SORCS2: variants seen among roughly 807,000 people sequenced by gnomAD.
SORCS2 encodes sortilin related VPS10 domain containing receptor 2.
SORCS2 carries 100 observed loss-of-function variants against 141.6 expected under a neutral mutation model. The observed-to-expected ratio is 0.71, with a 90% CI of 0.60 to 0.83. The LOEUF is 0.83. Ranked by LOEUF, SORCS2 falls within the 40% of genes least tolerant of loss-of-function variation. The probability of loss-of-function intolerance (pLI) is 0.00; values close to 1 mark genes in which losing one functional copy is unlikely to be tolerated. For synonymous variants in SORCS2, 789 were observed against 676.9 expected (o/e 1.17, Z -2.57); for missense variants, 1,646 against 1,560.2 (o/e 1.05, Z -0.93).
chr4:7,565,365 A>G (rs898957847), intron 3 of SORCS2, among the ~76,000 whole-genome samples: 1 of 152,106 alleles, frequency 6.6e-6, no homozygotes, highest in African/African-American at 2.4e-5. Context: ...AGATGGTGAT[A>G]TTGTGCTGAT....
In SORCS2 at chr4:7,734,298, G is replaced by A. The variant is rs569349390; in HGVS notation, c.3235G>A (p.Gly1079Ser). ...TGAEQLGGGG[G>S]YWAVVVLFVI... ...TGCTGAGCAGCTGGGCGGCGGTGGC[G>A]GCTACTGGGCGGTAGTGGTGCTGTT... The change falls in exon 25 of 27, where the codon GGC becomes AGC. Residue 1079 changes from glycine to serine, a missense_variant. Physicochemically the swap from Gly to Ser is moderately conservative, Grantham distance 56. Coordinates refer to ENST00000507866, the MANE Select transcript of SORCS2 (RefSeq NM_020777.3). The A allele has an allele frequency of 3.2e-5, 51 of 1,603,056 alleles. No individual in the cohort carries two copies. The highest frequency in any genetic ancestry group is 1.7e-4 in the Middle Eastern group (1 of 5,904).
At chr4:7,231,996 C>T (rs1379550953) in intron 1 of SORCS2, among the ~76,000 whole-genome samples, 2 of 152,188 alleles carry the variant, frequency 1.3e-5, no homozygotes, top group East Asian at 3.8e-4. Context: ...CTGGCCCATC[C>T]TGGAGCTGTG....
chr4:7,320,136 CTA>C (rs1294847313), intron 1 of SORCS2, among the ~76,000 whole-genome samples: 50 of 64,056 alleles, frequency 7.8e-4, no homozygotes, highest in African/African-American at 3.9e-3. Context: ...GACTTTGTCT[CTA>C]CAAAAAAAAT....
Position 7,718,167 on chromosome 4 carries a change from T to A in SORCS2, c.2408T>A (p.Val803Glu), listed in dbSNP as rs1053839340. ...AVRPGEDVLF[V>E]VRQEQGDVLT... Reference sequence around the variant, plus strand: ...CGGCCTGGAGAGGACGTCCTGTTTGTGGTGCGGCAGGAGCAGGTGAGTGAG... The same window carrying A: ...CGGCCTGGAGAGGACGTCCTGTTTGAGGTGCGGCAGGAGCAGGTGAGTGAG... Residue 803 changes from valine to glutamate, a missense_variant, in exon 18 of 27, where the codon GTG becomes GAG. By Grantham distance (121) the Val-to-Glu change is moderately radical (BLOSUM62 -2). Transcript: ENST00000507866. 7 of 1,610,542 alleles carry A rather than the reference T, an allele frequency of 4.3e-6. No homozygotes were observed. In the African/African-American group the frequency reaches 9.4e-5, roughly 22 times the overall value.
At position 7,438,161 on chromosome 4, in the gene SORCS2, C is replaced by T. The variant is rs139333850; in HGVS notation, c.548+41806C>T. Among the ~76,000 whole-genome samples, 49 of 152,336 alleles carry T rather than the reference C, an allele frequency of 3.2e-4. No individual in the cohort carries two copies. In the East Asian group the frequency reaches 9.2e-3, roughly 29 times the overall value. On this transcript the variant is annotated intron_variant, in intron 2 of 26. Transcript: ENST00000507866. Reference sequence around the variant, plus strand: ...TGATTTCCCAGGTCCAGCCCCAGTCCAGGCTCACACGATGCAATTCCTGGT... The same window carrying T: ...TGATTTCCCAGGTCCAGCCCCAGTCTAGGCTCACACGATGCAATTCCTGGT...
intron 1 of SORCS2, among the ~76,000 whole-genome samples, chr4:7,270,465 G>A (rs1356352089): frequency 2.6e-5 from 4 of 152,216 alleles, no homozygotes; most frequent in African/African-American, 9.6e-5. Flanking sequence ...CTGGCCTGGG[G>A]TCTGGTTCCC....
intron 3 of SORCS2, among the ~76,000 whole-genome samples, chr4:7,616,372 C>T (rs1286516372): frequency 4.6e-5 from 7 of 152,110 alleles, no homozygotes; most frequent in Non-Finnish European, 1.0e-4. Context: ...CACCTATCTA[C>T]CCATTCACCA....
intron 7 of SORCS2, among the ~76,000 whole-genome samples, chr4:7,665,251 T>C (rs948626336): frequency 6.6e-6 from 1 of 152,116 alleles, no homozygotes; most frequent in Non-Finnish European, 1.5e-5. Flanking sequence ...AGCAGCCCAC[T>C]CTACACTCAG....
In SORCS2 at chr4:7,695,308, A is replaced by ATGGGTGGC. The variant is rs1724535086; in HGVS notation, c.1592-1883_1592-1882insCTGGGTGG. The stretch of plus-strand genomic sequence containing the variant: ...GATGGATGGTTGGATGGGTGAGTGA[A>ATGGGTGGC]TGGGTGGGTGGGTGGATGGATGGAT... On this transcript the variant is annotated intron_variant, in intron 11 of 26. Transcript: ENST00000507866. Among the ~76,000 whole-genome samples, 2 of 11,224 alleles carry ATGGGTGGC rather than the reference A, an allele frequency of 1.8e-4. 1 individual carries two copies. The highest frequency in any genetic ancestry group is 2.3e-3 in the Admixed American group (2 of 880). 7.4% of individuals were successfully genotyped at this position (11,224 alleles called of 152,430 possible).
intron 2 of SORCS2, among the ~76,000 whole-genome samples, chr4:7,515,419 C>T (rs1577683174): frequency 6.6e-6 from 1 of 152,296 alleles, no homozygotes; most frequent in Admixed American, 6.5e-5. Flanking sequence ...AGCAGGTCTG[C>T]GAGCTCTGCT....
At chr4:7,517,088 G>A (rs967941821) in intron 2 of SORCS2, among the ~76,000 whole-genome samples, 1 of 152,198 alleles carries the variant, frequency 6.6e-6, no homozygotes, top group Non-Finnish European at 1.5e-5. Context: ...ATTTGTCATC[G>A]CCATGATTAC....
rs559211477 is a variant in SORCS2 at position 7,207,379 on chromosome 4, C to T, written c.480+14253C>T. On this transcript the variant is annotated intron_variant, in intron 1 of 26. Transcript: ENST00000507866. ...TGGGCCGGGAGCCGACGTGAGTCAC[C>T]GGGCTGCTCTCTGCGTTCACCCAGC... 8.5e-5 allele frequency among the ~76,000 whole-genome samples: 13 copies of T among 152,332 alleles called. No homozygotes were observed. The South Asian group carries it at 1.7e-3, about 19-fold the overall frequency.
chr4:7,362,326 C>T (rs2109025644), intron 1 of SORCS2, among the ~76,000 whole-genome samples: 1 of 152,272 alleles, frequency 6.6e-6, no homozygotes, highest in East Asian at 1.9e-4. Flanking sequence ...TACTAGAGTC[C>T]TTCCACGCCG....
At chr4:7,505,245 G>A (rs916232547) in intron 2 of SORCS2, among the ~76,000 whole-genome samples, 12 of 152,162 alleles carry the variant, frequency 7.9e-5, no homozygotes, top group Non-Finnish European at 1.5e-4. Context: ...AAAGGGGTGC[G>A]GATGTGGTAT....
chr4:7,235,134 G>A (rs559797379), intron 1 of SORCS2, among the ~76,000 whole-genome samples: 3 of 152,330 alleles, frequency 2.0e-5, no homozygotes, highest in South Asian at 2.1e-4. Flanking sequence ...CTGGAGCCTC[G>A]GTGTCCTTGC....
At chr4:7,704,940 C>T (rs573415381) in intron 14 of SORCS2, among the ~76,000 whole-genome samples, 1 of 152,124 alleles carries the variant, frequency 6.6e-6, no homozygotes, top group Admixed American at 6.5e-5. Context: ...TGCGACCCCG[C>T]GCTGTGGCAC....
At chr4:7,631,005 C>T (rs182899264) in intron 3 of SORCS2, among the ~76,000 whole-genome samples, 1 of 150,496 alleles carries the variant, frequency 6.6e-6, no homozygotes, top group South Asian at 2.1e-4. Flanking sequence ...AGAGCTCTAG[C>T]GAGGCGAGAA....
chr4:7,225,497 G>C (rs1728938651), intron 1 of SORCS2, among the ~76,000 whole-genome samples: 1 of 152,202 alleles, frequency 6.6e-6, no homozygotes, highest in Non-Finnish European at 1.5e-5. Context: ...TCTCTCTGTT[G>C]TTCTGAACCA....
At chr4:7,676,813 CT>C (rs58026187) in intron 9 of SORCS2, among the ~76,000 whole-genome samples, 1 of 109,430 alleles carries the variant, frequency 9.1e-6, no homozygotes, top group Non-Finnish European at 2.0e-5. Flanking sequence ...GTCTCTCTCT[CT>C]CTCTCTCTCT....
Sources: gnomAD v4.1 joint callset for allele counts (sites outside exome capture counted in the v4.1 genomes callset) on GRCh38, gnomAD v4.1.1 for gene constraint, MANE v1.5 for transcripts, NCBI Gene and HGNC (gene_info 2026-07-23, HGNC 2026-07-21) for gene names.